Variants in CHUK observed in about 807,000 individuals in gnomAD.
The protein encoded by CHUK is component of inhibitor of nuclear factor kappa B kinase complex.
In CHUK, 35 loss-of-function variants were observed where a neutral mutation model predicts 104.8. The ratio of observed to expected loss-of-function variants is 0.33; its 90% CI spans 0.26 to 0.44. The LOEUF is 0.44. Ranked by LOEUF, CHUK falls within the 20% of genes least tolerant of loss-of-function variation. The pLI, the probability that CHUK is intolerant of heterozygous loss-of-function variation, is 1.00. For synonymous variants in CHUK, 276 were observed against 291.9 expected, an observed-to-expected ratio of 0.95 and a Z score of 0.56; for missense variants, 663 against 902.7, an observed-to-expected ratio of 0.73 and a Z score of 3.40.
At chr10:100,210,423 C>T (rs371409341) in intron 9 of CHUK, among the ~76,000 whole-genome samples, 10 of 152,084 alleles carry the variant, frequency 6.6e-5, no homozygotes, top group Admixed American at 2.6e-4. Flanking sequence ...TATCATAGAC[C>T]GAAAAGGAAA....
rs1417939964 is a variant in CHUK, at chr10:100,194,095, T to C, written c.1863A>G (p.Leu621=). ...LLGCKQKIID[L]LPKVEVALSN... is the part of the protein sequence containing the mutation. The stretch of plus-strand genomic sequence containing the variant: ...TGAGGGCCACTTCCACCTTAGGGAG[T>C]AGATCAATAATCTTCTGCTTACAGC... The change falls in exon 18 of 21, where the codon CTA becomes CTG. Residue 621 remains leucine, a synonymous_variant. Coordinates refer to ENST00000370397, the MANE Select transcript of CHUK (RefSeq NM_001278.5). 1.2e-6 allele frequency: 2 copies of C among 1,613,530 alleles called. No individual in the cohort carries two copies. The highest frequency in any genetic ancestry group is 4.5e-5 in the East Asian group (2 of 44,876).
At chr10:100,218,209 G>A in intron 8 of CHUK, 79 bp from the exon 9 acceptor site, 1 of 1,289,866 alleles carries the variant, frequency 7.8e-7, no homozygotes, top group Non-Finnish European at 1.1e-6. Flanking sequence ...AGGTAATTTT[G>A]CAGGTTGTCC....
intron 9 of CHUK, among the ~76,000 whole-genome samples, chr10:100,213,256 A>G (rs922455321): frequency 6.6e-6 from 1 of 152,038 alleles, no homozygotes; most frequent in African/African-American, 2.4e-5. Flanking sequence ...CAAGACAGGT[A>G]GATCACTTGA....
intron 16 of CHUK, among the ~76,000 whole-genome samples, chr10:100,197,255 T>C (rs767192910): frequency 3.9e-5 from 6 of 152,232 alleles, no homozygotes; most frequent in Non-Finnish European, 7.3e-5. Flanking sequence ...TATAATCTTA[T>C]GGGACTACCA....
At chr10:100,208,783 A>G (rs1025657381) in intron 10 of CHUK, among the ~76,000 whole-genome samples, 1 of 36,760 alleles carries the variant, frequency 2.7e-5, no homozygotes, top group Non-Finnish European at 5.6e-5. Flanking sequence ...AAGACTGTCT[A>G]AAAAAAAAAA....
intron 9 of CHUK, among the ~76,000 whole-genome samples, chr10:100,215,532 AAAT>A (rs927598567): frequency 3.9e-5 from 6 of 152,188 alleles, no homozygotes; most frequent in African/African-American, 1.2e-4. Flanking sequence ...AGGCAAAAAA[AAAT>A]AATAATTAAA....
intron 16 of CHUK, among the ~76,000 whole-genome samples, chr10:100,196,270 C>T (rs1388390105): frequency 6.6e-6 from 1 of 152,068 alleles, no homozygotes; most frequent in East Asian, 1.9e-4. Flanking sequence ...TGGATTAATC[C>T]AACCATCTGC....
chr10:100,192,867 A>C, intron 19 of CHUK: 1 of 398,514 alleles, frequency 2.5e-6, no homozygotes, highest in Non-Finnish European at 3.5e-6. Flanking sequence ...TTAGAAGGGT[A>C]ATCAAGGATC....
intron 16 of CHUK, among the ~76,000 whole-genome samples, chr10:100,198,782 G>A (rs552918705): frequency 5.9e-5 from 9 of 152,294 alleles, no homozygotes; most frequent in East Asian, 3.9e-4. Context: ...TAATTTGCAT[G>A]TGTTGCTATG....
At chr10:100,224,049 T>C (rs749217200) in intron 2 of CHUK, among the ~76,000 whole-genome samples, 37 of 152,014 alleles carry the variant, frequency 2.4e-4, no homozygotes, top group Non-Finnish European at 3.5e-4. Flanking sequence ...GTAAAGATCA[T>C]AAAAGATACG....
chr10:100,194,500 G>A lies in CHUK; in HGVS notation c.1751C>T (p.Thr584Ile). ...GTGCACAATGATTTTCACCATCTCT[G>A]TGCTGTCACTGTAGGAGTGATCTAT... ...RPSDHSYSDS[T>I]EMVKIIVHTV... The change falls in exon 17 of 21, where the codon ACA (threonine) becomes ATA (isoleucine). Residue 584 changes from threonine to isoleucine, a missense_variant. Coordinates refer to ENST00000370397, the MANE Select transcript of CHUK (RefSeq NM_001278.5). 6.2e-7 allele frequency: 1 copy of A among 1,612,012 alleles called. No homozygotes were observed. Among genetic ancestry groups the A allele is most frequent in the Non-Finnish European group, 8.5e-7 (1 of 1,178,244 alleles).
chr10:100,187,864 G>T (rs992972660), downstream of CHUK: 5 of 152,176 alleles, frequency 3.3e-5, no homozygotes, highest in African/African-American at 1.2e-4. Flanking sequence ...TGCTTGGATG[G>T]CTTGTAATGT....
At chr10:100,189,829 C>CT (rs1845152792) in intron 20 of CHUK, among the ~76,000 whole-genome samples, 1 of 144,906 alleles carries the variant, frequency 6.9e-6, no homozygotes, top group African/African-American at 2.6e-5. Flanking sequence ...CTTTCCTTTT[C>CT]TTTTCTTTTT....
intron 19 of CHUK, 109 bp from the exon 20 acceptor site, chr10:100,191,077 A>G: frequency 2.6e-6 from 2 of 763,330 alleles, no homozygotes; most frequent in Non-Finnish European, 4.8e-6. Flanking sequence ...CCTGTAACCC[A>G]GTACCCCAGT....
rs34571703 is a variant in CHUK at position 100,189,834 on chromosome 10, CTTTTTTTTTT to C, written c.2209-217_2209-208del. On this transcript the variant is annotated intron_variant, in intron 20 of 20. Coordinates refer to ENST00000370397, the MANE Select transcript of CHUK (RefSeq NM_001278.5). Reference sequence around the variant, plus strand: ...AACAATTATTCTTTCCTTTTCTTTTCTTTTTTTTTTTTTTCTTAAGAGAGCAGGATCTTGC... The same window carrying C: ...AACAATTATTCTTTCCTTTTCTTTTCTTTTCTTAAGAGAGCAGGATCTTGC... Among the ~76,000 whole-genome samples the C allele has an allele frequency of 1.8e-4, 25 of 139,134 alleles. No homozygotes were observed. In the East Asian group the frequency reaches 5.2e-3, roughly 29 times the overall value. 91.3% of individuals were successfully genotyped at this position (139,134 alleles called of 152,430 possible).
At chr10:100,223,460 G>A (rs1367831953) in intron 2 of CHUK, among the ~76,000 whole-genome samples, 1 of 151,886 alleles carries the variant, frequency 6.6e-6, no homozygotes, top group Non-Finnish European at 1.5e-5. Flanking sequence ...GTAACACAGT[G>A]AGACCTCATC....
chr10:100,194,581 C>CA (rs1368690110), intron 16 of CHUK, 60 bp from the exon 17 acceptor site: 10 of 1,058,110 alleles, frequency 9.5e-6, no homozygotes, highest in African/African-American at 1.6e-5. Context: ...AGCCTCCAAA[C>CA]AAAAAATTCC....
Position 100,205,201 on chromosome 10 carries a change from T to A in CHUK, c.1232-2A>T. The A allele has an allele frequency of 6.2e-7, 1 of 1,613,926 alleles. No homozygotes were observed. The highest frequency in any genetic ancestry group is 8.5e-7 in the Non-Finnish European group (1 of 1,179,766). Reference sequence around the variant, plus strand: ...GAAGCTGTATTTTGCTGTCCTGTACTATATACAAGAAGATGAGAAAAAGGG... The same window carrying A: ...GAAGCTGTATTTTGCTGTCCTGTACAATATACAAGAAGATGAGAAAAAGGG... On this transcript the variant is annotated splice_acceptor_variant, in intron 11 of 20. Transcript: ENST00000370397. LOFTEE classifies it high-confidence loss of function.
At chr10:100,193,135 T>C (rs1225589274) in intron 19 of CHUK, 163 bp downstream of exon 19, 5 of 741,804 alleles carry the variant, frequency 6.7e-6, no homozygotes, top group African/African-American at 1.7e-5. Context: ...TGAGGAAATA[T>C]GAACATCAAA....
Sources: allele counts gnomAD v4.1 joint callset (sites outside exome capture counted in the v4.1 genomes callset), GRCh38; gene constraint gnomAD v4.1.1; transcripts MANE v1.5; gene names NCBI Gene and HGNC (gene_info 2026-07-23, HGNC 2026-07-21).